The following CMSS1 variants were observed in gnomAD, a reference collection of about 807,000 sequenced individuals.
CMSS1 encodes the protein protein CMSS1.
A neutral mutation model predicts 43.5 loss-of-function variants in CMSS1; 33 were observed. The observed-to-expected ratio is 0.76, with a 90% confidence interval of 0.57 to 1.01. The LOEUF is 1.01. Ranked by LOEUF, CMSS1 falls within the 50% of genes least tolerant of loss-of-function variation. CMSS1 has a pLI of 0.00. For missense variants in CMSS1, 313 were observed against 326.4 expected, an observed-to-expected ratio of 0.96 and a Z score of 0.32; for synonymous variants, 115 against 117.2, an observed-to-expected ratio of 0.98 and a Z score of 0.12.
intron 1 of CMSS1, among the ~76,000 whole-genome samples, chr3:99,920,843 T>C (rs1707102715): frequency 6.6e-6 from 1 of 152,242 alleles, no homozygotes; most frequent in Non-Finnish European, 1.5e-5. Context: ...TATTACATCC[T>C]CTGAGGTCTC....
At chr3:100,074,333 G>C (rs1478838050) in intron 1 of CMSS1, among the ~76,000 whole-genome samples, 2 of 152,182 alleles carry the variant, frequency 1.3e-5, no homozygotes, top group Non-Finnish European at 2.9e-5. Context: ...TCTGGGAACA[G>C]ACAAGATGTC....
intron 1 of CMSS1, among the ~76,000 whole-genome samples, chr3:99,947,061 C>A (rs1259235813): frequency 7.2e-6 from 1 of 139,110 alleles, no homozygotes; most frequent in Non-Finnish European, 1.5e-5. Context: ...TCACTTGCAG[C>A]TGGGAGGTAG....
At chr3:99,853,012 TTGA>T (rs1198432420) in intron 1 of CMSS1, among the ~76,000 whole-genome samples, 1 of 152,220 alleles carries the variant, frequency 6.6e-6, no homozygotes, top group African/African-American at 2.4e-5. Context: ...TGGGGTGTCG[TTGA>T]TGATGATCTC....
In CMSS1 at chr3:100,102,307, G is replaced by A. The variant is rs557437841; in HGVS notation, c.65-44666G>A. Reference sequence around the variant, plus strand: ...GTTGTTTCCTGACTTTTTAATGATCGCCATTCTAACTGGTATGAGATGGTA... The same window carrying A: ...GTTGTTTCCTGACTTTTTAATGATCACCATTCTAACTGGTATGAGATGGTA... On this transcript the variant is annotated intron_variant, in intron 1 of 9. Coordinates refer to ENST00000421999, the MANE Select transcript of CMSS1 (RefSeq NM_032359.4). 4.6e-5 allele frequency among the ~76,000 whole-genome samples: 7 copies of A among 152,000 alleles called. No homozygotes were observed. In the South Asian group the frequency reaches 8.3e-4, roughly 18 times the overall value.
intron 1 of CMSS1, among the ~76,000 whole-genome samples, chr3:100,076,830 T>C (rs1393201791): frequency 6.6e-6 from 1 of 152,222 alleles, no homozygotes; most frequent in Non-Finnish European, 1.5e-5. Flanking sequence ...GCCTGGGAAT[T>C]AGTCAGACTT....
intron 1 of CMSS1, among the ~76,000 whole-genome samples, chr3:99,954,010 C>G (rs927892010): frequency 6.6e-6 from 1 of 152,180 alleles, no homozygotes; most frequent in Non-Finnish European, 1.5e-5. Flanking sequence ...TTTTGTTGCA[C>G]CCTTAAGAGA....
chr3:100,098,973 G>T (rs575426976), intron 1 of CMSS1, among the ~76,000 whole-genome samples: 1 of 152,202 alleles, frequency 6.6e-6, no homozygotes, highest in African/African-American at 2.4e-5. Flanking sequence ...CCATGCATGG[G>T]ATGTGGAGTA....
intron 1 of CMSS1, chr3:99,848,994 T>C: frequency 4.3e-6 from 7 of 1,614,122 alleles, no homozygotes; most frequent in Non-Finnish European, 5.9e-6. Context: ...GTGTGTGGCT[T>C]AGGACTAGAT....
intron 1 of CMSS1, among the ~76,000 whole-genome samples, chr3:100,014,895 C>CTTTTTTTTTTTTTTT (rs1233573719): frequency 1.2e-4 from 3 of 25,006 alleles, no homozygotes; most frequent in Non-Finnish European, 2.1e-4. Context: ...TTCTTTCTTT[C>CTTTTTTTTTTTTTTT]TTTTTTTTTT....
chr3:100,044,984 A>G (rs1575983029), intron 1 of CMSS1, among the ~76,000 whole-genome samples: 1 of 152,166 alleles, frequency 6.6e-6, no homozygotes, highest in Non-Finnish European at 1.5e-5. Flanking sequence ...TTTAGAGGAG[A>G]GTCTAGCCTG....
intron 1 of CMSS1, among the ~76,000 whole-genome samples, chr3:100,086,561 A>T (rs1382328504): frequency 6.6e-6 from 1 of 152,178 alleles, no homozygotes; most frequent in African/African-American, 2.4e-5. Context: ...TTTTTAAGAA[A>T]AATTAAACTG....
intron 6 of CMSS1, among the ~76,000 whole-genome samples, chr3:100,170,593 T>C (rs985926140): frequency 1.3e-5 from 2 of 152,200 alleles, no homozygotes; most frequent in African/African-American, 4.8e-5. Context: ...AGTTTTCCCC[T>C]CTGTGACATA....
intron 1 of CMSS1, chr3:99,874,608 G>A (rs1394740505): frequency 6.6e-6 from 1 of 152,046 alleles, no homozygotes; most frequent in Non-Finnish European, 1.5e-5. Flanking sequence ...AACCAAAGTC[G>A]TGCATTGCTC....
chr3:99,819,225 T>C (rs967132302), intron 1 of CMSS1, among the ~76,000 whole-genome samples: 8 of 152,244 alleles, frequency 5.3e-5, no homozygotes, highest in Admixed American at 5.2e-4. Flanking sequence ...TTCCTGACTC[T>C]TTTGCAGCCC....
intron 6 of CMSS1, among the ~76,000 whole-genome samples, chr3:100,170,222 A>T (rs1158091856): frequency 6.6e-6 from 1 of 152,248 alleles, no homozygotes; most frequent in East Asian, 1.9e-4. Flanking sequence ...ACTATTTTGC[A>T]AACTCATATG....
intron 1 of CMSS1, among the ~76,000 whole-genome samples, chr3:100,125,500 ATGT>A (rs763695479): frequency 1.5e-4 from 23 of 152,224 alleles, no homozygotes; most frequent in Non-Finnish European, 3.1e-4. Flanking sequence ...AGTGAAATAA[ATGT>A]TGTAACGGGT....
intron 1 of CMSS1, among the ~76,000 whole-genome samples, chr3:100,050,064 G>A (rs2065344030): frequency 6.6e-6 from 1 of 152,130 alleles, no homozygotes; most frequent in Non-Finnish European, 1.5e-5. Context: ...TAAGTGAAAA[G>A]GAACATGCTT....
At chr3:100,014,887 C>CTTTTTTTTTTTTTTTT (rs1559725867) in intron 1 of CMSS1, among the ~76,000 whole-genome samples, 2 of 32,466 alleles carry the variant, frequency 6.2e-5, no homozygotes, top group Non-Finnish European at 1.2e-4. Context: ...TTTTTTTTTT[C>CTTTTTTTTTTTTTTTT]TTTCTTTCTT....
At chr3:100,057,837 CT>C (rs1292093906) in intron 1 of CMSS1, among the ~76,000 whole-genome samples, 3 of 152,170 alleles carry the variant, frequency 2.0e-5, no homozygotes, top group Non-Finnish European at 2.9e-5. Context: ...TGCCCTCATC[CT>C]TGTTTAGAAT....
Sources: allele counts gnomAD v4.1 joint callset (sites outside exome capture counted in the v4.1 genomes callset), GRCh38; gene constraint gnomAD v4.1.1; transcripts MANE v1.5; gene names NCBI Gene and HGNC (gene_info 2026-07-23, HGNC 2026-07-21).